The following SEC24A variants were observed in gnomAD, a reference collection of about 807,000 sequenced individuals.
SEC24A encodes the protein protein transport protein Sec24A.
In SEC24A, 93 loss-of-function variants were observed where a neutral mutation model predicts 129.4. That is an observed-to-expected ratio of 0.72 (90% CI 0.61 to 0.85). The LOEUF is 0.85. Ranked by LOEUF, SEC24A falls within the 40% of genes least tolerant of loss-of-function variation. The pLI, the probability that SEC24A is intolerant of heterozygous loss-of-function variation, is 0.00. For synonymous variants in SEC24A, 460 were observed against 467.3 expected, an observed-to-expected ratio of 0.98 and a Z score of 0.20; for missense variants, 1,264 against 1,307.4, an observed-to-expected ratio of 0.97 and a Z score of 0.51.
At chr5:134,715,282 T>C (rs1752444350) in intron 19 of SEC24A, 121 bp downstream of exon 19, 1 of 923,084 alleles carries the variant, frequency 1.1e-6, no homozygotes. Context: ...TTTATTTATT[T>C]ATTTTTTTGG....
intron 12 of SEC24A, chr5:134,693,298 G>A: frequency 1.4e-6 from 2 of 1,403,130 alleles, no homozygotes; most frequent in Non-Finnish European, 9.2e-7. Flanking sequence ...TTTTTCTTTT[G>A]TAGTGATATT....
At position 134,649,087 on chromosome 5, in the gene SEC24A, C is replaced by T. The variant is rs1749958036; in HGVS notation, c.11C>T (p.Pro4Leu). The T allele has an allele frequency of 2.5e-6, 4 of 1,608,978 alleles. No homozygotes were observed. The highest frequency in any genetic ancestry group is 2.3e-5 in the East Asian group (1 of 44,328). MSQPGIPASGGAPA... is the reference protein window; with the variant it reads MSQLGIPASGGAPA... ...TCCAACCCAGTCATCATGTCCCAGC[C>T]GGGAATACCGGCCTCCGGCGGCGCC... Residue 4 changes from proline (P) to leucine (L), a missense_variant, in exon 1 of 23, where the codon CCG (proline) becomes CTG (leucine). Pro to Leu is a moderately conservative substitution (Grantham distance 98). Transcript: ENST00000398844.
rs186992117 is a variant in SEC24A at position 134,661,488 on chromosome 5, C to T, written c.467C>T (p.Ser156Leu). The change falls in exon 2 of 23, where the codon TCA becomes TTA. Residue 156 changes from serine (S) to leucine (L), a missense_variant. Transcript: ENST00000398844. ...CAAACAAACCATTGTCCTCGTGCAT[C>T]ATCCCAACCAACTGTATCTGGAAAT... ...ASQTNHCPRA[S>L]SQPTVSGNTS... 1 of 1,614,166 alleles carries T rather than the reference C, an allele frequency of 6.2e-7. No individual in the cohort carries two copies. The highest frequency in any genetic ancestry group is 1.3e-5 in the African/African-American group (1 of 75,044).
At chr5:134,671,965 T>C (rs1244435306) in intron 4 of SEC24A, 79 bp downstream of exon 4, 1 of 859,074 alleles carries the variant, frequency 1.2e-6, no homozygotes, top group Non-Finnish European at 1.9e-6. Flanking sequence ...TACAAATATA[T>C]AGGAAACTAA....
In SEC24A at chr5:134,705,315, T is replaced by C. The variant is rs1425686591; in HGVS notation, c.2441-12T>C. 6.3e-7 allele frequency: 1 copy of C among 1,595,938 alleles called. No individual in the cohort carries two copies. The highest frequency in any genetic ancestry group is 8.6e-7 in the Non-Finnish European group (1 of 1,164,120). ...GTTGCCCCTCACTGTTGTTTGTGTA[T>C]TTTCCCCAAAGGCGAAAGAAGAATT... On this transcript the variant is annotated splice_polypyrimidine_tract_variant and intron_variant, in intron 16 of 22. Coordinates refer to ENST00000398844, the MANE Select transcript of SEC24A (RefSeq NM_021982.3).
At chr5:134,703,615 C>A in intron 15 of SEC24A, 144 bp from the exon 16 acceptor site, 1 of 590,272 alleles carries the variant, frequency 1.7e-6, no homozygotes, top group Non-Finnish European at 3.0e-6. Flanking sequence ...TTTCAAAAGC[C>A]ATCTGTTATT....
rs193026469 is a variant in SEC24A at position 134,683,061 on chromosome 5, C to T, written c.1491+579C>T. On this transcript the variant is annotated intron_variant, in intron 9 of 22. Transcript: ENST00000398844. ...TTTTTGAGACGGAGTCTCACTCTGT[C>T]ACCCAGGCTGGAGTGCAGTGCTGTG... Among the ~76,000 whole-genome samples, 252 of 151,644 alleles carry T rather than the reference C, an allele frequency of 1.7e-3. 2 individuals carry two copies. Among genetic ancestry groups the T allele is most frequent in the African/African-American group, 5.7e-3 (236 of 41,398 alleles).
At chr5:134,723,031 T>G (rs1444971908) in intron 21 of SEC24A, among the ~76,000 whole-genome samples, 1 of 152,132 alleles carries the variant, frequency 6.6e-6, no homozygotes, top group African/African-American at 2.4e-5. Context: ...CACACGCCTC[T>G]TATTCCAGCT....
intron 1 of SEC24A, among the ~76,000 whole-genome samples, chr5:134,660,502 A>AT (rs1302525240): frequency 1.3e-5 from 2 of 150,964 alleles, no homozygotes; most frequent in Admixed American, 6.6e-5. Context: ...CTTATATATT[A>AT]TTTTTTTACA....
At chr5:134,675,701 A>G (rs1465304551) in intron 6 of SEC24A, among the ~76,000 whole-genome samples, 1 of 152,202 alleles carries the variant, frequency 6.6e-6, no homozygotes, top group African/African-American at 2.4e-5. Context: ...TAGACTTTGC[A>G]ATTTGGGCCA....
chr5:134,713,653 G>C (rs564808834), intron 18 of SEC24A, among the ~76,000 whole-genome samples: 166 of 152,018 alleles, frequency 1.1e-3, no homozygotes, highest in Non-Finnish European at 2.0e-3. Context: ...AATATAGTCA[G>C]TGTACTTGTT....
At chr5:134,656,479 A>G (rs936185825) in intron 1 of SEC24A, among the ~76,000 whole-genome samples, 1 of 151,390 alleles carries the variant, frequency 6.6e-6, no homozygotes, top group African/African-American at 2.4e-5. Context: ...TCCCTTTGCC[A>G]TTCCCCACCT....
rs1751004267 is a variant in SEC24A at position 134,674,875 on chromosome 5, C to T, written c.978+100C>T. On this transcript the variant is annotated intron_variant, in intron 5 of 22. Transcript: ENST00000398844. ...GAAGGTATATTATACATTTTTATAA[C>T]CATTTAGAATAATAATGGATATTTC... 3.4e-6 allele frequency: 4 copies of T among 1,175,704 alleles called. No homozygotes were observed. The East Asian group carries it at 1.0e-4, about 30-fold the overall frequency. 72.8% of individuals were successfully genotyped at this position (1,175,704 alleles called of 1,614,324 possible).
At chr5:134,672,981 A>AT (rs1313623383) in intron 4 of SEC24A, among the ~76,000 whole-genome samples, 1 of 149,578 alleles carries the variant, frequency 6.7e-6, no homozygotes, top group African/African-American at 2.5e-5. Flanking sequence ...GCTTGAAGAG[A>AT]TCCCTCCTGC....
At chr5:134,716,916 G>A (rs1752492506) in intron 19 of SEC24A, among the ~76,000 whole-genome samples, 1 of 135,178 alleles carries the variant, frequency 7.4e-6, no homozygotes, top group African/African-American at 2.8e-5. Flanking sequence ...TTTTGCACTT[G>A]TTGCCCAGGC....
intron 2 of SEC24A, among the ~76,000 whole-genome samples, chr5:134,666,009 G>A (rs955717535): frequency 6.6e-6 from 1 of 152,168 alleles, no homozygotes; most frequent in Non-Finnish European, 1.5e-5. Context: ...GGGCTGGCCA[G>A]GTACAGTGGC....
At chr5:134,685,716 G>T (rs1199986712) in intron 9 of SEC24A, among the ~76,000 whole-genome samples, 1 of 152,106 alleles carries the variant, frequency 6.6e-6, no homozygotes, top group African/African-American at 2.4e-5. Context: ...AGGTGCAGTG[G>T]CTCACACCTG....
intron 7 of SEC24A, among the ~76,000 whole-genome samples, chr5:134,676,434 G>A (rs1962667): frequency 0.74 from 104,373 of 140,662 alleles, 39,946 homozygotes; most frequent in Non-Finnish European, 0.83. Context: ...CTCTGCGCCC[G>A]GCTCTTTTTT....
Position 134,649,256 on chromosome 5 carries a change from T to G in SEC24A, c.97+83T>G, listed in dbSNP as rs1444593666. On this transcript the variant is annotated intron_variant, in intron 1 of 22. Coordinates refer to ENST00000398844, the MANE Select transcript of SEC24A (RefSeq NM_021982.3). ...CCACTGCTGCTTGAGGCGACATAGA[T>G]AGAGAGAGTGACCTCCTTACCGGGT... 3.9e-6 allele frequency: 4 copies of G among 1,016,488 alleles called. No homozygotes were observed. The Admixed American group carries it at 1.1e-4, about 28-fold the overall frequency. The allele number at this position is 1,016,488 out of a possible 1,614,324, so 63.0% of individuals were successfully genotyped here. A position where few individuals can be genotyped will look rare whatever the true frequency, so the allele number is the denominator to read the frequency against.
Sources: allele counts gnomAD v4.1 joint callset (sites outside exome capture counted in the v4.1 genomes callset), GRCh38; gene constraint gnomAD v4.1.1; transcripts MANE v1.5; gene names NCBI Gene and HGNC (gene_info 2026-07-23, HGNC 2026-07-21).